Variants in GALNT17 observed in about 807,000 individuals in gnomAD.
GALNT17 encodes UDP-GalNAc:polypeptide N-acetylgalactosaminyltransferase-like 3.
In GALNT17, 29 loss-of-function variants were observed where a neutral mutation model predicts 63.7. The ratio of observed to expected loss-of-function variants is 0.46; its 90% CI spans 0.34 to 0.62. The LOEUF (loss-of-function observed/expected upper bound fraction) is 0.62, where lower values mean the gene tolerates loss of function less well. Ranked by LOEUF, GALNT17 falls within the 20% of genes least tolerant of loss-of-function variation. The pLI is 0.01. For synonymous variants in GALNT17, 305 were observed against 318.3 expected, an observed-to-expected ratio of 0.96 and a Z score of 0.45; for missense variants, 603 against 799.6, an observed-to-expected ratio of 0.75 and a Z score of 2.97.
rs138647451 is a variant in GALNT17, at chr7:71,706,146, C to G, written c.1501-4615C>G. On this transcript the variant is annotated intron_variant, in intron 9 of 10. Coordinates refer to ENST00000333538, the MANE Select transcript of GALNT17 (RefSeq NM_022479.3). The stretch of plus-strand genomic sequence containing the variant: ...CTTCTAACTTTCTCAGAAAAGGAGG[C>G]AAGTATTGGTCCCTTGGCCAGACCA... Among the ~76,000 whole-genome samples, 527 of 152,266 alleles carry G rather than the reference C, an allele frequency of 3.5e-3. 1 individual carries two copies. The highest frequency in any genetic ancestry group is 0.012 in the African/African-American group (495 of 41,566).
intron 6 of GALNT17, among the ~76,000 whole-genome samples, chr7:71,633,973 A>G (rs1325838845): frequency 6.6e-6 from 1 of 152,260 alleles, no homozygotes; most frequent in Non-Finnish European, 1.5e-5. Flanking sequence ...ATGCCCACAC[A>G]CATGGTGTGA....
intron 6 of GALNT17, among the ~76,000 whole-genome samples, chr7:71,644,295 G>A (rs900316575): frequency 1.3e-5 from 2 of 151,708 alleles, no homozygotes; most frequent in African/African-American, 2.4e-5. Flanking sequence ...CCAGCACTTT[G>A]GAAGGTCAAG....
Position 71,435,420 on chromosome 7 carries a change from G to A in GALNT17, c.962+14315G>A, listed in dbSNP as rs372019041. Among the ~76,000 whole-genome samples the A allele has an allele frequency of 3.0e-4, 46 of 152,242 alleles. No individual in the cohort carries two copies. In the East Asian group the frequency reaches 7.2e-3, roughly 24 times the overall value. ...CCTGGGGACTAGACCGCCTTTGTAG[G>A]ACTAACAAATTAGCCATAACATTAG... On this transcript the variant is annotated intron_variant, in intron 5 of 10. Coordinates refer to ENST00000333538, the MANE Select transcript of GALNT17 (RefSeq NM_022479.3).
chr7:71,405,129 C>G (rs537089105), intron 3 of GALNT17, among the ~76,000 whole-genome samples: 3 of 152,340 alleles, frequency 2.0e-5, no homozygotes, highest in African/African-American at 7.2e-5. Context: ...TTCCAAGCTA[C>G]TTGAGGGAGC....
At chr7:71,606,664 A>G (rs1251471751) in intron 6 of GALNT17, among the ~76,000 whole-genome samples, 1 of 152,122 alleles carries the variant, frequency 6.6e-6, no homozygotes, top group Non-Finnish European at 1.5e-5. Flanking sequence ...CAGGCCTGTG[A>G]TGAGTGAATA....
At chr7:71,380,742 A>G (rs1354378633) in intron 2 of GALNT17, among the ~76,000 whole-genome samples, 1 of 151,998 alleles carries the variant, frequency 6.6e-6, no homozygotes, top group Non-Finnish European at 1.5e-5. Context: ...TGGGATCCAC[A>G]GTAAGGATGC....
intron 1 of GALNT17, among the ~76,000 whole-genome samples, chr7:71,232,344 T>G (rs919861309): frequency 6.6e-6 from 1 of 152,130 alleles, no homozygotes; most frequent in Non-Finnish European, 1.5e-5. Context: ...TTTGGGAGCC[T>G]TGGTGGTCAG....
chr7:71,417,528 C>T (rs1478128235), intron 4 of GALNT17, among the ~76,000 whole-genome samples: 2 of 152,220 alleles, frequency 1.3e-5, no homozygotes, highest in South Asian at 2.1e-4. Context: ...CCACAGCATC[C>T]GCAGAATCTG....
At chr7:71,355,363 G>C (rs1022726021) in intron 2 of GALNT17, among the ~76,000 whole-genome samples, 18 of 152,236 alleles carry the variant, frequency 1.2e-4, no homozygotes, top group Non-Finnish European at 1.6e-4. Context: ...ACTTCCCACT[G>C]ATTGTGATAT....
chr7:71,669,641 A>C (rs1791038064), intron 7 of GALNT17, among the ~76,000 whole-genome samples: 1 of 147,646 alleles, frequency 6.8e-6, no homozygotes, highest in Admixed American at 6.9e-5. Context: ...GGCTCACTGC[A>C]ACCTCCACCT....
chr7:71,677,381 G>A (rs1172700542), intron 9 of GALNT17, 75 bp downstream of exon 9: 35 of 1,417,022 alleles, frequency 2.5e-5, no homozygotes, highest in Non-Finnish European at 3.3e-5. Flanking sequence ...AGGCCTTCTG[G>A]ATAAACTTTG....
chr7:71,465,534 A>G (rs1583977988), intron 5 of GALNT17, among the ~76,000 whole-genome samples: 6 of 152,328 alleles, frequency 3.9e-5, no homozygotes. Context: ...GCGTGTTTCT[A>G]TAGACTTTGA....
intron 1 of GALNT17, among the ~76,000 whole-genome samples, chr7:71,328,645 G>A (rs1362070991): frequency 1.6e-5 from 2 of 125,536 alleles, no homozygotes; most frequent in African/African-American, 2.9e-5. Context: ...TAAAATACCA[G>A]TGATTTTTTT....
At chr7:71,233,730 ACCCACAG>A (rs147953701) in intron 1 of GALNT17, among the ~76,000 whole-genome samples, 32,066 of 151,914 alleles carry the variant, frequency 0.21, 3,931 homozygotes, top group African/African-American at 0.33. Context: ...TTCTGTGCTG[ACCCACAG>A]CCCTTGGGAG....
intron 8 of GALNT17, among the ~76,000 whole-genome samples, chr7:71,674,249 G>T (rs894320605): frequency 6.6e-6 from 1 of 151,670 alleles, no homozygotes; most frequent in Non-Finnish European, 1.5e-5. Flanking sequence ...TACCTGCTGA[G>T]TATCACCATT....
At chr7:71,438,934 G>A (rs1479733051) in intron 5 of GALNT17, among the ~76,000 whole-genome samples, 1 of 151,082 alleles carries the variant, frequency 6.6e-6, no homozygotes, top group Admixed American at 6.6e-5. Flanking sequence ...GCCCAGGCTG[G>A]AGTGCAGTGA....
At chr7:71,304,088 T>A (rs557082076) in intron 1 of GALNT17, among the ~76,000 whole-genome samples, 1 of 152,180 alleles carries the variant, frequency 6.6e-6, no homozygotes, top group African/African-American at 2.4e-5. Context: ...TCAATACCCT[T>A]GAGCACACCT....
intron 1 of GALNT17, among the ~76,000 whole-genome samples, chr7:71,272,726 T>C (rs956192240): frequency 3.3e-5 from 5 of 152,210 alleles, no homozygotes; most frequent in Non-Finnish European, 7.4e-5. Flanking sequence ...AAGGCCTGGA[T>C]GCCCTTTGGT....
At chr7:71,169,855 C>T (rs1788512617) in intron 1 of GALNT17, among the ~76,000 whole-genome samples, 1 of 152,136 alleles carries the variant, frequency 6.6e-6, no homozygotes, top group African/African-American at 2.4e-5. Flanking sequence ...TGCCCCCAGC[C>T]TTGGTGTACT....
Sources: allele counts gnomAD v4.1 joint callset (sites outside exome capture counted in the v4.1 genomes callset), GRCh38; gene constraint gnomAD v4.1.1; transcripts MANE v1.5; gene names NCBI Gene and HGNC (gene_info 2026-07-23, HGNC 2026-07-21).